Variants in PRPH2 observed in about 807,000 individuals in gnomAD.
PRPH2 encodes peripherin 2, also known as peripherin-2.
Under a neutral mutation model 31.3 loss-of-function variants are expected in PRPH2, and 17 were observed. That is an observed-to-expected ratio of 0.54 (90% CI 0.37 to 0.81). The LOEUF (loss-of-function observed/expected upper bound fraction) is 0.81, where lower values mean the gene tolerates loss of function less well. Ranked by LOEUF, PRPH2 falls within the 40% of genes least tolerant of loss-of-function variation. PRPH2 has a pLI of 0.00. For missense variants in PRPH2, 430 were observed against 439.7 expected (o/e 0.98, Z 0.20); for synonymous variants, 165 against 184.4 (o/e 0.89, Z 0.85).
At position 42,698,210 on chromosome 6, in the gene PRPH2, CT is replaced by C; in HGVS notation, c.*84del. ...TGGTGCCCTCCTTGGGAGATTCAGA[CT>C]TTCGGAGTTGGATGAGGGGGAGATC... On this transcript the variant is annotated 3_prime_UTR_variant, in exon 3 of 3. Coordinates refer to ENST00000230381, the MANE Select transcript of PRPH2 (RefSeq NM_000322.5). The C allele has an allele frequency of 6.4e-7, 1 of 1,573,608 alleles. No individual in the cohort carries two copies. The highest frequency in any genetic ancestry group is 8.7e-7 in the Non-Finnish European group (1 of 1,154,430).
intron 1 of PRPH2, among the ~76,000 whole-genome samples, chr6:42,708,055 C>T (rs962339553): frequency 3.9e-5 from 6 of 152,334 alleles, no homozygotes; most frequent in South Asian, 2.1e-4. Context: ...TAGCCATGCG[C>T]TGTGAGCAAA....
chr6:42,716,962 CTTTTTTTTTTTTTT>C (rs1161769235), intron 1 of PRPH2, among the ~76,000 whole-genome samples: 5 of 45,188 alleles, frequency 1.1e-4, no homozygotes, highest in Non-Finnish European at 1.9e-4. Context: ...TCTTTCTTTT[CTTTTTTTTTTTTTT>C]TTTTTTTTTT....
chr6:42,708,808 T>C (rs1197906528), intron 1 of PRPH2, among the ~76,000 whole-genome samples: 1 of 152,210 alleles, frequency 6.6e-6, no homozygotes, highest in Non-Finnish European at 1.5e-5. Flanking sequence ...TCTGTGGACC[T>C]GCGTGAGCTG....
chr6:42,707,807 C>T (rs1179551574), intron 1 of PRPH2, among the ~76,000 whole-genome samples: 2 of 152,118 alleles, frequency 1.3e-5, no homozygotes, highest in Non-Finnish European at 2.9e-5. Context: ...CTGCCCTCTA[C>T]TTCGTGGGCA....
rs200622393 is a variant in PRPH2, at chr6:42,706,607, G to A, written c.582-1996C>T. Reference sequence around the variant, plus strand: ...AAAAACAAAAAAAAAAGAAAGAAAGGAAAAAGAAAAAAAAATTGCACGCGA... The same window carrying A: ...AAAAACAAAAAAAAAAGAAAGAAAGAAAAAAGAAAAAAAAATTGCACGCGA... On this transcript the variant is annotated intron_variant, in intron 1 of 2. Coordinates refer to ENST00000230381, the MANE Select transcript of PRPH2 (RefSeq NM_000322.5). Among the ~76,000 whole-genome samples the A allele has an allele frequency of 7.4e-3, 1,103 of 149,710 alleles. 13 individuals carry two copies. The highest frequency in any genetic ancestry group is 0.025 in the African/African-American group (1,018 of 40,680).
chr6:42,702,142 T>C (rs1800057125), intron 2 of PRPH2, among the ~76,000 whole-genome samples: 2 of 151,674 alleles, frequency 1.3e-5, no homozygotes. Context: ...TGGAAGGGGC[T>C]GAGGCAGAAG....
At chr6:42,700,791 C>A (rs1315448994) in intron 2 of PRPH2, among the ~76,000 whole-genome samples, 1 of 152,128 alleles carries the variant, frequency 6.6e-6, no homozygotes, top group East Asian at 1.9e-4. Flanking sequence ...CAAGATCAGA[C>A]TCCTAACATT....
intron 1 of PRPH2, among the ~76,000 whole-genome samples, chr6:42,712,877 T>C (rs1761693410): frequency 6.6e-6 from 1 of 151,310 alleles, no homozygotes; most frequent in African/African-American, 2.4e-5. Flanking sequence ...AAAGCTTGAG[T>C]TTTTTCTATA....
chr6:42,699,403 T>TA lies in PRPH2; in HGVS notation c.829-897dup, dbSNP rs550022780. On this transcript the variant is annotated intron_variant, in intron 2 of 2. Coordinates refer to ENST00000230381, the MANE Select transcript of PRPH2 (RefSeq NM_000322.5). ...GAGCACAGTGATGAATGGATGCTGG[T>TA]AAAAAATAATTTGGATTTGTTCACT... Among the ~76,000 whole-genome samples, 268 of 152,164 alleles carry TA rather than the reference T, an allele frequency of 1.8e-3. 2 individuals carry two copies. Among genetic ancestry groups the TA allele is most frequent in the African/African-American group, 6.2e-3 (258 of 41,518 alleles).
intron 1 of PRPH2, 143 bp from the exon 2 acceptor site, chr6:42,704,754 C>T: frequency 7.8e-7 from 1 of 1,289,454 alleles, no homozygotes; most frequent in South Asian, 1.2e-5. Context: ...CGCTACGTGC[C>T]AGTCACTGTT....
At chr6:42,704,109 A>T (rs1447632285) in intron 2 of PRPH2, among the ~76,000 whole-genome samples, 3 of 136,892 alleles carry the variant, frequency 2.2e-5, no homozygotes, top group Non-Finnish European at 3.3e-5. Flanking sequence ...CAAAATAAAA[A>T]AAAAATAAAA....
intron 1 of PRPH2, among the ~76,000 whole-genome samples, chr6:42,720,415 A>G (rs1211365566): frequency 2.6e-5 from 4 of 152,024 alleles, no homozygotes; most frequent in Non-Finnish European, 5.9e-5. Flanking sequence ...CCTCCTCGGG[A>G]GATTTATGTA....
At chr6:42,708,427 C>T (rs1027577399) in intron 1 of PRPH2, among the ~76,000 whole-genome samples, 5 of 152,304 alleles carry the variant, frequency 3.3e-5, no homozygotes, top group African/African-American at 1.2e-4. Context: ...CTGTTGGTGA[C>T]GGAAGTGGGG....
At chr6:42,713,068 T>C (rs1241862145) in intron 1 of PRPH2, among the ~76,000 whole-genome samples, 1 of 151,260 alleles carries the variant, frequency 6.6e-6, no homozygotes, top group East Asian at 2.0e-4. Flanking sequence ...CTACTAAAAA[T>C]ATAAAAATTA....
rs1799969673 is a variant in PRPH2 at position 42,697,607 on chromosome 6, G to T, written c.*688C>A. The T allele has an allele frequency of 6.6e-6, 1 of 152,344 alleles. No homozygotes were observed. Among genetic ancestry groups the T allele is most frequent in the African/African-American group, 2.4e-5 (1 of 41,422 alleles). 9.4% of individuals were successfully genotyped at this position (152,344 alleles called of 1,614,324 possible). Reference sequence around the variant, plus strand: ...TTCACTCCAGACTCAGTGACCGAGGGCATGTGAATGGGACACAAAAGCAGG... The same window carrying T: ...TTCACTCCAGACTCAGTGACCGAGGTCATGTGAATGGGACACAAAAGCAGG... On this transcript the variant is annotated 3_prime_UTR_variant, in exon 3 of 3. Transcript: ENST00000230381.
At chr6:42,719,404 G>A (rs1761854510) in intron 1 of PRPH2, among the ~76,000 whole-genome samples, 1 of 151,898 alleles carries the variant, frequency 6.6e-6, no homozygotes, top group African/African-American at 2.4e-5. Flanking sequence ...TCGAACTCCT[G>A]ACCTCGTGAT....
chr6:42,706,721 G>A lies in PRPH2; in HGVS notation c.582-2110C>T, dbSNP rs376896954. Among the ~76,000 whole-genome samples, 8 of 152,212 alleles carry A rather than the reference G, an allele frequency of 5.3e-5. No individual in the cohort carries two copies. In the East Asian group the frequency reaches 7.7e-4, roughly 15 times the overall value. ...TATTTTAAACAATGTTCATTGAATTGGTCACGAATCTCTTAAAAGATGTCC... is the reference window on the plus strand; with the variant it reads ...TATTTTAAACAATGTTCATTGAATTAGTCACGAATCTCTTAAAAGATGTCC... On this transcript the variant is annotated intron_variant, in intron 1 of 2. Transcript: ENST00000230381.
At chr6:42,711,446 G>C (rs1304686262) in intron 1 of PRPH2, among the ~76,000 whole-genome samples, 1 of 151,996 alleles carries the variant, frequency 6.6e-6, no homozygotes, top group African/African-American at 2.4e-5. Context: ...CCAGTCTGAG[G>C]GGGGAATGCA....
intron 2 of PRPH2, among the ~76,000 whole-genome samples, chr6:42,699,074 G>A (rs1368072198): frequency 7.3e-6 from 1 of 136,514 alleles, no homozygotes; most frequent in African/African-American, 2.7e-5. Context: ...TTTTTTTTGA[G>A]ACAAGTCTTA....
Sources: gnomAD v4.1 joint callset for allele counts (sites outside exome capture counted in the v4.1 genomes callset) on GRCh38, gnomAD v4.1.1 for gene constraint, MANE v1.5 for transcripts, NCBI Gene and HGNC (gene_info 2026-07-23, HGNC 2026-07-21) for gene names.